VANGL2: variants seen among roughly 807,000 people sequenced by gnomAD.
VANGL2 encodes the protein vang-like protein 2.
In VANGL2, 14 loss-of-function variants were observed where a neutral mutation model predicts 50.2. The observed-to-expected ratio is 0.28, with a 90% CI of 0.18 to 0.44. The LOEUF is 0.44. Among genes scored for constraint, VANGL2 ranks in the 20% least tolerant of loss-of-function variants. The pLI, the probability that VANGL2 is intolerant of heterozygous loss-of-function variation, is 1.00. For synonymous variants in VANGL2, 295 were observed against 297.2 expected, an observed-to-expected ratio of 0.99 and a Z score of 0.08; for missense variants, 533 against 701.5, an observed-to-expected ratio of 0.76 and a Z score of 2.71.
rs66513715 is a variant in VANGL2, at chr1:160,428,449, AT to A, written c.*3079del. The A allele has an allele frequency of 0.2, 25,636 of 130,626 alleles. 2,398 individuals are homozygous for A. The highest frequency in any genetic ancestry group is 0.28 in the South Asian group (1,183 of 4,226). 8.1% of individuals were successfully genotyped at this position (130,626 alleles called of 1,614,324 possible). On this transcript the variant is annotated 3_prime_UTR_variant, in exon 8 of 8. Transcript: ENST00000368061. ...TAGAATTTTCCACTGTTGGATCTAG[AT>A]TTTTTTTCCTTTTTTTTGGGGGGGT... is the stretch of plus-strand genomic sequence containing the variant.
intron 1 of VANGL2, among the ~76,000 whole-genome samples, chr1:160,414,967 A>C (rs753669697): frequency 6.6e-6 from 1 of 152,190 alleles, no homozygotes; most frequent in Non-Finnish European, 1.5e-5. Flanking sequence ...TCAGAACTTC[A>C]GGCAAGTAGA....
rs758231356 is a variant in VANGL2, at chr1:160,428,194, T to C, written c.*2816T>C. ...CATCGGACTCTCCGGAACTTTCTCA[T>C]CTGACACGTCTTTTTCCCAGGGTTC... is the stretch of plus-strand genomic sequence containing the variant. On this transcript the variant is annotated 3_prime_UTR_variant, in exon 8 of 8. Coordinates refer to ENST00000368061, the MANE Select transcript of VANGL2 (RefSeq NM_020335.3). 6.5e-6 allele frequency: 1 copy of C among 152,678 alleles called. No homozygotes were observed. Among genetic ancestry groups the C allele is most frequent in the Non-Finnish European group, 1.5e-5 (1 of 68,080 alleles). 9.5% of individuals were successfully genotyped at this position (152,678 alleles called of 1,614,324 possible).
intron 1 of VANGL2, among the ~76,000 whole-genome samples, 191 bp downstream of exon 1, chr1:160,401,060 C>G (rs752968704): frequency 6.6e-6 from 1 of 151,684 alleles, no homozygotes; most frequent in African/African-American, 2.4e-5. Flanking sequence ...GTCCGCTTCC[C>G]CACTGCACAG....
At chr1:160,410,927 C>T (rs1350953963) in intron 1 of VANGL2, among the ~76,000 whole-genome samples, 2 of 151,990 alleles carry the variant, frequency 1.3e-5, no homozygotes, top group Admixed American at 6.5e-5. Context: ...GTTCCAGGAC[C>T]CGGCTGCCAT....
rs1298165383 is a variant in VANGL2 at position 160,415,793 on chromosome 1, C to T, written c.-45C>T. On this transcript the variant is annotated 5_prime_UTR_variant, in exon 2 of 8. Transcript: ENST00000368061. ...GGCTGTGGGGCCCCCCAAGAGGCCC[C>T]AGCCTGCGGCCCTGGAGCGCTACAA... is the stretch of plus-strand genomic sequence containing the variant. 1.3e-6 allele frequency: 2 copies of T among 1,594,850 alleles called. No homozygotes were observed. The highest frequency in any genetic ancestry group is 1.7e-6 in the Non-Finnish European group (2 of 1,172,172).
At chr1:160,407,584 C>T (rs1571236392) in intron 1 of VANGL2, among the ~76,000 whole-genome samples, 1 of 152,198 alleles carries the variant, frequency 6.6e-6, no homozygotes, top group East Asian at 1.9e-4. Context: ...CACCCCAGGG[C>T]AGGGGCTGGG....
intron 3 of VANGL2, among the ~76,000 whole-genome samples, chr1:160,416,420 T>G (rs929973479): frequency 4.0e-5 from 6 of 151,040 alleles, no homozygotes; most frequent in African/African-American, 1.2e-4. Flanking sequence ...TCCAGAGGAG[T>G]GGGGGGTGAC....
intron 6 of VANGL2, 102 bp from the exon 7 acceptor site, chr1:160,423,950 G>T (rs533556952): frequency 3.8e-6 from 5 of 1,319,624 alleles, no homozygotes; most frequent in Non-Finnish European, 3.3e-6. Context: ...GAGCACAAAG[G>T]CCTGACCTCA....
intron 5 of VANGL2, 43 bp downstream of exon 5, chr1:160,420,590 G>T (rs1451427458): frequency 3.1e-6 from 5 of 1,613,754 alleles, no homozygotes; most frequent in Non-Finnish European, 4.2e-6. Context: ...CTCTTCCCAA[G>T]CAGGACTCCA....
intron 1 of VANGL2, among the ~76,000 whole-genome samples, chr1:160,414,456 G>A (rs1650985735): frequency 6.6e-6 from 1 of 152,132 alleles, no homozygotes; most frequent in African/African-American, 2.4e-5. Flanking sequence ...CTCTGCTGAG[G>A]TGTCCTTTTC....
At chr1:160,402,919 C>T (rs748615814) in intron 1 of VANGL2, among the ~76,000 whole-genome samples, 32 of 152,078 alleles carry the variant, frequency 2.1e-4, no homozygotes, top group Non-Finnish European at 4.0e-4. Flanking sequence ...GGTTGAGGCA[C>T]CCAGTTTTAA....
intron 3 of VANGL2, among the ~76,000 whole-genome samples, chr1:160,418,086 TG>T (rs1449594585): frequency 1.5e-4 from 23 of 151,970 alleles, no homozygotes; most frequent in Middle Eastern, 6.8e-3. Flanking sequence ...TAATTTTTTG[TG>T]TGTGTGTGTT....
At chr1:160,408,237 G>A (rs554350552) in intron 1 of VANGL2, among the ~76,000 whole-genome samples, 1 of 152,198 alleles carries the variant, frequency 6.6e-6, no homozygotes, top group Admixed American at 6.5e-5. Context: ...GTGGAGCTGG[G>A]TGGGGCAGGC....
chr1:160,413,341 CAT>C (rs1269396150), intron 1 of VANGL2, among the ~76,000 whole-genome samples: 1 of 149,932 alleles, frequency 6.7e-6, no homozygotes, highest in East Asian at 1.9e-4. Flanking sequence ...AGTGTAGTGG[CAT>C]GATCTCGGCT....
In VANGL2 at chr1:160,419,345, T is replaced by G; in HGVS notation, c.536T>G (p.Phe179Cys). The stretch of plus-strand genomic sequence containing the variant: ...CCCAAGGCCTCGCTGCCCCGCGTCT[T>G]TGTGCTGCGTGCCCTGCTTATGGTG... ...RRPKASLPRV[F>C]VLRALLMVLV... The change falls in exon 4 of 8, where the codon TTT (phenylalanine) becomes TGT (cysteine). Residue 179 changes from phenylalanine to cysteine, a missense_variant. By Grantham distance (205) the Phe-to-Cys change is radical. Coordinates refer to ENST00000368061, the MANE Select transcript of VANGL2 (RefSeq NM_020335.3). The surrounding 1 kb of genome is among the most constrained non-coding windows in gnomAD (Gnocchi z 5.8). The G allele has an allele frequency of 6.2e-7, 1 of 1,611,422 alleles. No homozygotes were observed. Among genetic ancestry groups the G allele is most frequent in the Non-Finnish European group, 8.5e-7 (1 of 1,180,014 alleles).
chr1:160,419,568 C>T lies in VANGL2; in HGVS notation c.759C>T (p.Ser253=), dbSNP rs1396532469. 2 of 1,599,764 alleles carry T rather than the reference C, an allele frequency of 1.3e-6. No individual in the cohort carries two copies. Among genetic ancestry groups the T allele is most frequent in the Non-Finnish European group, 1.7e-6 (2 of 1,179,766 alleles). The change falls in exon 4 of 8, where the codon TCC becomes TCT. Residue 253 remains serine (S), a synonymous_variant. Transcript: ENST00000368061. The surrounding 1 kb of genome is among the most constrained non-coding windows in gnomAD (Gnocchi z 5.8). The part of the protein sequence containing the change: ...QPQFTLKVVR[S]TDGASRFYNV... ...AGTTCACGCTCAAGGTCGTGCGCTC[C>T]ACCGACGGCGCCAGCCGCTTCTACA...
intron 1 of VANGL2, among the ~76,000 whole-genome samples, chr1:160,404,153 T>C (rs535482372): frequency 6.6e-6 from 1 of 152,292 alleles, no homozygotes; most frequent in African/African-American, 2.4e-5. Flanking sequence ...GGTTCTGATC[T>C]TCCTTTGGCC....
At chr1:160,423,395 T>G (rs759933934) in intron 6 of VANGL2, among the ~76,000 whole-genome samples, 6 of 152,260 alleles carry the variant, frequency 3.9e-5, no homozygotes, top group Non-Finnish European at 8.8e-5. Flanking sequence ...TTTTCCATTT[T>G]GATGGAAAAG....
intron 3 of VANGL2, among the ~76,000 whole-genome samples, chr1:160,416,618 C>T (rs1377261737): frequency 6.6e-6 from 1 of 152,074 alleles, no homozygotes; most frequent in Non-Finnish European, 1.5e-5. Flanking sequence ...TGTAGAATGG[C>T]GTCACCTAGA....
Sources: gnomAD v4.1 joint callset for allele counts (sites outside exome capture counted in the v4.1 genomes callset) on GRCh38, gnomAD v4.1.1 for gene constraint, Gnocchi (gnomAD v3.1) non-coding constraint, MANE v1.5 for transcripts, NCBI Gene and HGNC (gene_info 2026-07-23, HGNC 2026-07-21) for gene names.